The following FRMD4B variants were observed in gnomAD, a reference collection of about 807,000 sequenced individuals.
FRMD4B encodes FERM domain-containing protein 4B.
In FRMD4B, 74 loss-of-function variants were observed where a neutral mutation model predicts 141.5. The observed-to-expected ratio is 0.52, with a 90% CI of 0.43 to 0.63. The LOEUF (loss-of-function observed/expected upper bound fraction) is 0.63, where lower values mean the gene tolerates loss of function less well. Among genes scored for constraint, FRMD4B ranks in the 30% least tolerant of loss-of-function variants. The pLI, the probability that FRMD4B is intolerant of heterozygous loss-of-function variation, is 0.00. For missense variants in FRMD4B, 1,366 were observed against 1,253.4 expected (o/e 1.09, Z -1.36); for synonymous variants, 506 against 467.9 (o/e 1.08, Z -1.05).
intron 5 of FRMD4B, among the ~76,000 whole-genome samples, chr3:69,259,860 C>T (rs2093514951): frequency 6.6e-6 from 1 of 152,154 alleles, no homozygotes; most frequent in Non-Finnish European, 1.5e-5. Context: ...GGTGCAATCA[C>T]TACTTACTGT....
chr3:69,513,455 G>A (rs1706720917), intron 1 of FRMD4B, among the ~76,000 whole-genome samples: 1 of 152,114 alleles, frequency 6.6e-6, no homozygotes, highest in Non-Finnish European at 1.5e-5. Flanking sequence ...TGGCTTCACT[G>A]GAGAATTCTG....
At chr3:69,452,872 G>A (rs1183714082) in intron 1 of FRMD4B, among the ~76,000 whole-genome samples, 2 of 152,284 alleles carry the variant, frequency 1.3e-5, no homozygotes, top group South Asian at 4.1e-4. Context: ...AAGAAAAATA[G>A]AATAAGTTTA....
intron 17 of FRMD4B, among the ~76,000 whole-genome samples, chr3:69,192,178 G>A (rs149295580): frequency 0.017 from 2,586 of 152,092 alleles, 79 homozygotes; most frequent in African/African-American, 0.059. Flanking sequence ...GAGCTCAGGA[G>A]TTTGAGACCA....
chr3:69,376,777 T>C (rs1481823712), intron 1 of FRMD4B: 3 of 152,196 alleles, frequency 2.0e-5, no homozygotes, highest in Admixed American at 6.6e-5. Flanking sequence ...CTTTCCATGT[T>C]GTAAGTCATA....
At chr3:69,271,535 G>A (rs557231693) in intron 5 of FRMD4B, among the ~76,000 whole-genome samples, 1 of 152,188 alleles carries the variant, frequency 6.6e-6, no homozygotes, top group Admixed American at 6.5e-5. Flanking sequence ...GGAAAACTTT[G>A]ATTTTCACAA....
intron 11 of FRMD4B, among the ~76,000 whole-genome samples, chr3:69,209,864 G>A (rs187108985): frequency 4.9e-4 from 74 of 152,326 alleles, no homozygotes; most frequent in African/African-American, 1.8e-3. Flanking sequence ...TTTCAGCAGT[G>A]TCAGAAGTAG....
chr3:69,381,901 G>A (rs901794625), intron 1 of FRMD4B, among the ~76,000 whole-genome samples: 1 of 152,152 alleles, frequency 6.6e-6, no homozygotes, highest in Non-Finnish European at 1.5e-5. Flanking sequence ...CTCAATCCTA[G>A]GTTCAGAAAT....
intron 5 of FRMD4B, among the ~76,000 whole-genome samples, chr3:69,276,821 C>T (rs184648481): frequency 2.0e-3 from 300 of 152,180 alleles, no homozygotes; most frequent in African/African-American, 6.6e-3. Context: ...AAAAATTAGC[C>T]GGGCATGGCG....
At chr3:69,386,318 T>A (rs898786346), upstream of FRMD4B, 3 of 232,190 alleles carry the variant, frequency 1.3e-5, no homozygotes, top group East Asian at 1.7e-4. Flanking sequence ...CGGCGAGGAC[T>A]CCCCCTGGCG....
Position 69,380,396 on chromosome 3 carries a change from T to C in FRMD4B, c.162+5432A>G, listed in dbSNP as rs544544028. 8.5e-5 allele frequency among the ~76,000 whole-genome samples: 13 copies of C among 152,308 alleles called. No individual in the cohort carries two copies. The South Asian group carries it at 2.7e-3, about 32-fold the overall frequency. Reference sequence around the variant, plus strand: ...CCTATAAAAGCAATAGTAATGCCCCTAGCTACCCTCTATCAAGTACCTTCT... The same window carrying C: ...CCTATAAAAGCAATAGTAATGCCCCCAGCTACCCTCTATCAAGTACCTTCT... On this transcript the variant is annotated intron_variant, in intron 1 of 22. Transcript: ENST00000398540.
intron 1 of FRMD4B, among the ~76,000 whole-genome samples, chr3:69,327,997 C>T (rs1425447882): frequency 2.0e-5 from 3 of 152,080 alleles, no homozygotes; most frequent in African/African-American, 7.2e-5. Flanking sequence ...AAACTGGAAG[C>T]CACAGGTCAG....
chr3:69,399,928 T>G (rs1413098606), intron 2 of FRMD4B, among the ~76,000 whole-genome samples: 3 of 152,204 alleles, frequency 2.0e-5, no homozygotes, highest in African/African-American at 7.2e-5. Context: ...CAAAAGTAAT[T>G]GCAGATTTTG....
intron 2 of FRMD4B, among the ~76,000 whole-genome samples, chr3:69,422,470 G>T (rs1575797121): frequency 6.6e-6 from 1 of 152,016 alleles, no homozygotes; most frequent in Non-Finnish European, 1.5e-5. Flanking sequence ...TCCCCTGCTA[G>T]GTGAGATATC....
Position 69,249,265 on chromosome 3 carries a change from A to C in FRMD4B, c.559-17T>G. The C allele has an allele frequency of 6.4e-7, 1 of 1,551,624 alleles. No homozygotes were observed. On this transcript the variant is annotated splice_polypyrimidine_tract_variant and intron_variant, in intron 6 of 22. Coordinates refer to ENST00000398540, the MANE Select transcript of FRMD4B (RefSeq NM_015123.3). The stretch of plus-strand genomic sequence containing the variant: ...CTTGGCTTCCTAAAAACAACAAACA[A>C]AAACAGAGTTGATCAATATGTATCT...
chr3:69,360,893 A>G (rs931783290), intron 1 of FRMD4B, among the ~76,000 whole-genome samples: 6 of 152,190 alleles, frequency 3.9e-5, no homozygotes, highest in African/African-American at 1.4e-4. Flanking sequence ...AAGTGGCAGT[A>G]TGATGGCATT....
chr3:69,482,654 C>A (rs1421176982), intron 1 of FRMD4B, among the ~76,000 whole-genome samples: 1 of 152,158 alleles, frequency 6.6e-6, no homozygotes, highest in Non-Finnish European at 1.5e-5. Flanking sequence ...TTCCTTTTAA[C>A]TGAAGAATCA....
chr3:69,449,855 A>G (rs1234661699), intron 1 of FRMD4B, among the ~76,000 whole-genome samples: 3 of 152,170 alleles, frequency 2.0e-5, no homozygotes, highest in Admixed American at 1.3e-4. Context: ...TAATCTCCAT[A>G]CTTTAAGACA....
intron 2 of FRMD4B, among the ~76,000 whole-genome samples, chr3:69,398,480 A>G (rs1019208656): frequency 3.9e-5 from 6 of 152,230 alleles, no homozygotes; most frequent in African/African-American, 7.2e-5. Context: ...GTGCTATAGA[A>G]CACCAGAATG....
rs1413266800 is a variant in FRMD4B, at chr3:69,295,475, C to T, written c.416+6868G>A. On this transcript the variant is annotated intron_variant, in intron 4 of 22. Transcript: ENST00000398540. ...TAGCTGTGACTGCAGGCACGCACTACCATGCAAGGCTAATTATTGTATTTT... is the reference window on the plus strand; with the variant it reads ...TAGCTGTGACTGCAGGCACGCACTATCATGCAAGGCTAATTATTGTATTTT... Among the ~76,000 whole-genome samples, 5 of 152,116 alleles carry T rather than the reference C, an allele frequency of 3.3e-5. No individual in the cohort carries two copies. The East Asian group carries it at 5.8e-4, about 18-fold the overall frequency.
Sources: allele counts gnomAD v4.1 joint callset (sites outside exome capture counted in the v4.1 genomes callset), GRCh38; gene constraint gnomAD v4.1.1; transcripts MANE v1.5; gene names NCBI Gene and HGNC (gene_info 2026-07-23, HGNC 2026-07-21).